Variants in TNNI3K observed in about 807,000 individuals in gnomAD.
The protein encoded by TNNI3K is serine/threonine-protein kinase TNNI3K.
TNNI3K carries 140 observed loss-of-function variants against 114.5 expected under a neutral mutation model. The observed-to-expected ratio is 1.22, with a 90% CI of 1.07 to 1.41. TNNI3K has a LOEUF of 1.41. Ranked by LOEUF, TNNI3K falls within the 40% of genes most tolerant of loss-of-function variation. The pLI, the probability that TNNI3K is intolerant of heterozygous loss-of-function variation, is 0.00. For missense variants in TNNI3K, 1,125 were observed against 1,007.6 expected (o/e 1.12, Z -1.58); for synonymous variants, 347 against 347.5 (o/e 1.00, Z 0.02).
intron 7 of TNNI3K, among the ~76,000 whole-genome samples, chr1:74,337,314 G>A (rs1336124713): frequency 2.6e-5 from 4 of 151,410 alleles, no homozygotes; most frequent in African/African-American, 7.3e-5. Flanking sequence ...TGTTCACTCT[G>A]ATGGTAGTTT....
chr1:74,409,242 A>C (rs778413644), intron 17 of TNNI3K, among the ~76,000 whole-genome samples: 2 of 152,070 alleles, frequency 1.3e-5, no homozygotes, highest in Admixed American at 6.6e-5. Context: ...CAGTATTCAA[A>C]CCTAAGTCTG....
chr1:74,381,126 A>C (rs1407035394), intron 17 of TNNI3K, among the ~76,000 whole-genome samples: 1 of 152,108 alleles, frequency 6.6e-6, no homozygotes, highest in Non-Finnish European at 1.5e-5. Flanking sequence ...AATAATGTTA[A>C]TCTTCTCTGG....
intron 17 of TNNI3K, among the ~76,000 whole-genome samples, chr1:74,420,252 TTTAAA>T (rs1227919285): frequency 6.6e-6 from 1 of 152,166 alleles, no homozygotes. Flanking sequence ...ATTTGCTATG[TTTAAA>T]TTAATATATT....
At chr1:74,535,119 ATTT>A (rs1387296616) in intron 23 of TNNI3K, among the ~76,000 whole-genome samples, 4 of 152,124 alleles carry the variant, frequency 2.6e-5, no homozygotes, top group Admixed American at 6.6e-5. Flanking sequence ...GGACTGTGTA[ATTT>A]CACTCTGCCT....
intron 5 of TNNI3K, among the ~76,000 whole-genome samples, chr1:74,306,979 C>T (rs1323510564): frequency 6.6e-6 from 1 of 152,068 alleles, no homozygotes; most frequent in African/African-American, 2.4e-5. Context: ...TCTCATAGGG[C>T]TTTTATAGTT....
chr1:74,271,996 C>A (rs138551556), intron 5 of TNNI3K, among the ~76,000 whole-genome samples: 1 of 151,892 alleles, frequency 6.6e-6, no homozygotes, highest in Non-Finnish European at 1.5e-5. Context: ...GGGGAAGTTA[C>A]TGAATCTCAT....
chr1:74,518,681 C>CT (rs1250989631), intron 23 of TNNI3K, among the ~76,000 whole-genome samples: 1 of 151,978 alleles, frequency 6.6e-6, no homozygotes, highest in Non-Finnish European at 1.5e-5. Flanking sequence ...AAAACAATAT[C>CT]TGTTTTTTAA....
intron 5 of TNNI3K, among the ~76,000 whole-genome samples, chr1:74,304,045 G>A (rs1658481447): frequency 1.3e-5 from 2 of 152,202 alleles, no homozygotes; most frequent in South Asian, 2.1e-4. Context: ...AACAAAGAAA[G>A]TGGTTTCCTA....
intron 23 of TNNI3K, among the ~76,000 whole-genome samples, chr1:74,500,025 T>C (rs889845785): frequency 6.6e-6 from 1 of 151,958 alleles, no homozygotes; most frequent in Non-Finnish European, 1.5e-5. Flanking sequence ...TTCTATTCTT[T>C]GGTGAGTACC....
intron 23 of TNNI3K, among the ~76,000 whole-genome samples, chr1:74,522,228 G>A (rs1220810704): frequency 1.3e-5 from 2 of 152,180 alleles, no homozygotes; most frequent in Admixed American, 6.5e-5. Context: ...AGACTCAGGG[G>A]CTTCAAAGAG....
chr1:74,298,977 G>A (rs530087128), intron 5 of TNNI3K, among the ~76,000 whole-genome samples: 43 of 152,158 alleles, frequency 2.8e-4, no homozygotes, highest in African/African-American at 1.0e-3. Flanking sequence ...CACGGTGAAA[G>A]GAAACTGACA....
intron 21 of TNNI3K, among the ~76,000 whole-genome samples, chr1:74,478,563 T>C (rs896708190): frequency 6.6e-6 from 1 of 152,108 alleles, no homozygotes; most frequent in Admixed American, 6.5e-5. Flanking sequence ...AAATCCTCTA[T>C]GAAAAAAAGG....
intron 23 of TNNI3K, among the ~76,000 whole-genome samples, chr1:74,520,077 T>A (rs998811808): frequency 8.5e-5 from 13 of 152,152 alleles, no homozygotes; most frequent in Non-Finnish European, 1.8e-4. Context: ...TAATGGTGAT[T>A]TGTGAGATTT....
In TNNI3K at chr1:74,250,686, A is replaced by G. The variant is rs757956610; in HGVS notation, c.250A>G (p.Ile84Val). Residue 84 changes from isoleucine (I) to valine (V), a missense_variant, in exon 4 of 25, where the codon ATT (isoleucine) becomes GTT (valine). Ile to Val is a conservative substitution (Grantham distance 29, BLOSUM62 3). Transcript: ENST00000326637. ...TTCTCTTTAAGGCAAGAAATCACAT[A>G]TTCGAACTCTTATGTTGAAAGGGCT... Reference protein sequence around the residue: ...CCICGGKKSHIRTLMLKGLRP... With the variant: ...CCICGGKKSHVRTLMLKGLRP... The G allele has an allele frequency of 1.1e-5, 17 of 1,610,894 alleles. No homozygotes were observed. The highest frequency in any genetic ancestry group is 1.4e-5 in the Non-Finnish European group (16 of 1,179,150).
intron 9 of TNNI3K, 125 bp downstream of exon 9, chr1:74,343,304 A>G: frequency 9.5e-7 from 1 of 1,051,630 alleles, no homozygotes; most frequent in South Asian, 1.5e-5. Flanking sequence ...TAGCAGAGGT[A>G]GGGCAGAGGA....
chr1:74,529,501 C>T (rs1461212047), intron 23 of TNNI3K, among the ~76,000 whole-genome samples: 1 of 152,174 alleles, frequency 6.6e-6, no homozygotes, highest in Non-Finnish European at 1.5e-5. Context: ...CAATTCAGTG[C>T]TGCATGTGAT....
At chr1:74,267,624 TAGTA>T (rs1229810543) in intron 4 of TNNI3K, among the ~76,000 whole-genome samples, 2 of 152,004 alleles carry the variant, frequency 1.3e-5, no homozygotes, top group Non-Finnish European at 2.9e-5. Flanking sequence ...AGTTGGCTCA[TAGTA>T]AGCAATTTAT....
chr1:74,305,773 TA>T (rs1658592855), intron 5 of TNNI3K, among the ~76,000 whole-genome samples: 2 of 152,196 alleles, frequency 1.3e-5, no homozygotes, highest in Admixed American at 6.5e-5. Context: ...AAGAACTCAT[TA>T]AAAATACATA....
chr1:74,385,451 G>A (rs1663423812), intron 17 of TNNI3K, among the ~76,000 whole-genome samples: 1 of 152,120 alleles, frequency 6.6e-6, no homozygotes, highest in African/African-American at 2.4e-5. Flanking sequence ...ATCTTAGAAA[G>A]AGGTATGTAA....
Sources: allele counts gnomAD v4.1 joint callset (sites outside exome capture counted in the v4.1 genomes callset), GRCh38; gene constraint gnomAD v4.1.1; transcripts MANE v1.5; gene names NCBI Gene and HGNC (gene_info 2026-07-23, HGNC 2026-07-21).